Variants in PRKAG2 observed in about 807,000 individuals in gnomAD.
PRKAG2 encodes 5'-AMP-activated protein kinase subunit gamma-2.
Under a neutral mutation model 69.6 loss-of-function variants are expected in PRKAG2, and 26 were observed. That is an observed-to-expected ratio of 0.37 (90% confidence interval 0.27 to 0.52). The LOEUF is 0.52. PRKAG2 is among the 20% of genes least tolerant of loss of function. PRKAG2 has a pLI of 0.90. For synonymous variants in PRKAG2, 293 were observed against 285.0 expected (o/e 1.03, Z -0.28); for missense variants, 557 against 740.0 (o/e 0.75, Z 2.87).
At chr7:151,601,731 T>C (rs1585150989) in intron 5 of PRKAG2, among the ~76,000 whole-genome samples, 1 of 152,166 alleles carries the variant, frequency 6.6e-6, no homozygotes, top group Admixed American at 6.5e-5. Flanking sequence ...TGTTGAAATA[T>C]GAGAACTTGG....
intron 3 of PRKAG2, among the ~76,000 whole-genome samples, chr7:151,704,048 C>T (rs1002207364): frequency 1.7e-4 from 26 of 151,080 alleles, no homozygotes; most frequent in South Asian, 4.2e-4. Context: ...GATGACAGAC[C>T]GAGACTCTGT....
chr7:151,852,837 G>C (rs1051975552), intron 1 of PRKAG2, among the ~76,000 whole-genome samples: 1 of 152,152 alleles, frequency 6.6e-6, no homozygotes, highest in Non-Finnish European at 1.5e-5. Context: ...TCCCTCCCTG[G>C]GGCCCCGCCT....
In PRKAG2 at chr7:151,836,187, C is replaced by G. The variant is rs753908656; in HGVS notation, c.114+40320G>C. Among the ~76,000 whole-genome samples the G allele has an allele frequency of 9.2e-5, 14 of 152,200 alleles. No individual in the cohort carries two copies. Among genetic ancestry groups the G allele is most frequent in the Non-Finnish European group, 7.3e-5 (5 of 68,032 alleles). On this transcript the variant is annotated intron_variant, in intron 1 of 15. Transcript: ENST00000287878. The surrounding 1 kb of genome is among the most constrained non-coding windows in gnomAD (Gnocchi z 4.1). ...CATTCCTTCCCCTATAGCATGATTT[C>G]TCTTTTATGTTTTGTCTGTCATCTC...
intron 1 of PRKAG2, among the ~76,000 whole-genome samples, chr7:151,845,879 G>C (rs553070471): frequency 6.6e-6 from 1 of 152,298 alleles, no homozygotes; most frequent in South Asian, 2.1e-4. Context: ...CTCCCTCAGG[G>C]TCCCTCTCCC....
intron 3 of PRKAG2, among the ~76,000 whole-genome samples, chr7:151,684,761 G>A (rs1425562847): frequency 2.6e-5 from 4 of 152,070 alleles, no homozygotes; most frequent in African/African-American, 9.7e-5. Flanking sequence ...AATCCCAGCT[G>A]AGCCCTCTCT....
intron 3 of PRKAG2, among the ~76,000 whole-genome samples, chr7:151,759,937 G>A (rs2075316147): frequency 6.6e-6 from 1 of 152,208 alleles, no homozygotes; most frequent in Admixed American, 6.5e-5. Flanking sequence ...ATTTAACATC[G>A]ACATTCTTCC....
intron 5 of PRKAG2, among the ~76,000 whole-genome samples, chr7:151,599,400 C>A (rs1451429741): frequency 1.3e-5 from 2 of 152,146 alleles, no homozygotes; most frequent in Non-Finnish European, 2.9e-5. Context: ...ATCCTTCTGC[C>A]CCCTGCATCT....
At chr7:151,764,308 G>C (rs1203465219) in intron 3 of PRKAG2, among the ~76,000 whole-genome samples, 1 of 152,218 alleles carries the variant, frequency 6.6e-6, no homozygotes, top group Non-Finnish European at 1.5e-5. Context: ...GCGCAGCCCA[G>C]CCCAGGAGAG....
At position 151,733,167 on chromosome 7, in the gene PRKAG2, C is replaced by G. The variant is rs1234322976; in HGVS notation, c.466+47985G>C. ...GGGGCACAGGGCTCCCGCCTCCCAC[C>G]CAGCCTAGCTCTTGGCTCTTCTCAC... On this transcript the variant is annotated intron_variant, in intron 3 of 15. Coordinates refer to ENST00000287878, the MANE Select transcript of PRKAG2 (RefSeq NM_016203.4). 7.9e-5 allele frequency among the ~76,000 whole-genome samples: 12 copies of G among 152,358 alleles called. No homozygotes were observed. The East Asian group carries it at 1.7e-3, about 22-fold the overall frequency.
At chr7:151,776,335 G>A (rs1025592010) in intron 3 of PRKAG2, among the ~76,000 whole-genome samples, 15 of 152,188 alleles carry the variant, frequency 9.9e-5, no homozygotes, top group South Asian at 2.1e-4. Flanking sequence ...TGTCTACCCC[G>A]ATGGTGTAAC....
intron 3 of PRKAG2, among the ~76,000 whole-genome samples, chr7:151,707,807 A>G (rs1838879841): frequency 6.6e-6 from 1 of 152,190 alleles, no homozygotes; most frequent in East Asian, 1.9e-4. Flanking sequence ...GGGGCTCAGA[A>G]TAGCCACAGA....
chr7:151,804,797 T>C (rs2078018697), intron 1 of PRKAG2, among the ~76,000 whole-genome samples: 1 of 152,164 alleles, frequency 6.6e-6, no homozygotes, highest in Admixed American at 6.5e-5. Flanking sequence ...CTTCTCAAAC[T>C]GCACGTAGGA....
chr7:151,826,347 A>T (rs1199400986), intron 1 of PRKAG2, among the ~76,000 whole-genome samples: 2 of 151,822 alleles, frequency 1.3e-5, no homozygotes, highest in Non-Finnish European at 2.9e-5. Flanking sequence ...CGCCTGGCTA[A>T]TTTTTTTGTA....
intron 1 of PRKAG2, among the ~76,000 whole-genome samples, chr7:151,845,963 C>A (rs544438400): frequency 6.6e-6 from 1 of 152,256 alleles, no homozygotes; most frequent in South Asian, 2.1e-4. Context: ...GTCCTCAGAT[C>A]GGGGGCTAGC....
chr7:151,831,881 G>T (rs2079033271), intron 1 of PRKAG2, among the ~76,000 whole-genome samples: 1 of 152,160 alleles, frequency 6.6e-6, no homozygotes, highest in African/African-American at 2.4e-5. Context: ...GTGACAGAGT[G>T]GGGAGCAGAG....
At chr7:151,688,409 G>A (rs1396106484) in intron 3 of PRKAG2, among the ~76,000 whole-genome samples, 3 of 152,206 alleles carry the variant, frequency 2.0e-5, no homozygotes, top group South Asian at 2.1e-4. Flanking sequence ...CACGGCTATC[G>A]CTATGATGTA....
intron 3 of PRKAG2, chr7:151,736,166 C>CA (rs1169091814): frequency 6.3e-6 from 9 of 1,436,192 alleles, no homozygotes; most frequent in Non-Finnish European, 8.2e-6. Context: ...CAAGCGTCCT[C>CA]ACCAGGGGGT....
At chr7:151,723,897 C>T (rs986729410) in intron 3 of PRKAG2, among the ~76,000 whole-genome samples, 4 of 152,186 alleles carry the variant, frequency 2.6e-5, no homozygotes, top group East Asian at 1.9e-4. Flanking sequence ...CCAACCCGCC[C>T]GTGAAGCCTG....
At chr7:151,794,133 G>A (rs971689718) in intron 1 of PRKAG2, among the ~76,000 whole-genome samples, 10 of 152,124 alleles carry the variant, frequency 6.6e-5, no homozygotes, top group African/African-American at 2.4e-4. Flanking sequence ...CGCCCCCCAA[G>A]GCCAAGGACC....
Sources: gnomAD v4.1 joint callset for allele counts (sites outside exome capture counted in the v4.1 genomes callset) on GRCh38, gnomAD v4.1.1 for gene constraint, Gnocchi (gnomAD v3.1) non-coding constraint, MANE v1.5 for transcripts, NCBI Gene and HGNC (gene_info 2026-07-23, HGNC 2026-07-21) for gene names.